Variants in ZDHHC15 observed in about 807,000 individuals in gnomAD.
ZDHHC15 encodes the protein zDHHC palmitoyltransferase 15, also known as palmitoyltransferase ZDHHC15.
ZDHHC15 carries 19 observed loss-of-function variants against 31.7 expected under a neutral mutation model. The observed-to-expected ratio is 0.60, with a 90% CI of 0.42 to 0.88. ZDHHC15 has a LOEUF of 0.88. ZDHHC15 is among the 40% of genes least tolerant of loss of function. The probability of loss-of-function intolerance (pLI) is 0.00; values close to 1 mark genes in which losing one functional copy is unlikely to be tolerated. For synonymous variants in ZDHHC15, 103 were observed against 90.0 expected (o/e 1.14, Z -0.82); for missense variants, 209 against 251.2 (o/e 0.83, Z 1.14).
intron 4 of ZDHHC15, among the ~76,000 whole-genome samples, chrX:75,450,394 C>T (rs2084098833): frequency 9.0e-6 from 1 of 111,077 alleles, no homozygotes; most frequent in South Asian, 3.8e-4. Flanking sequence ...GGAATGGTAC[C>T]CTTAAGATTA....
At chrX:75,378,817 C>G (rs1318075856) in intron 11 of ZDHHC15, among the ~76,000 whole-genome samples, 1 of 111,047 alleles carries the variant, frequency 9.0e-6, no homozygotes, top group Non-Finnish European at 1.9e-5. Context: ...CAGGAGGAGG[C>G]TTATAATTCA....
intron 3 of ZDHHC15, among the ~76,000 whole-genome samples, chrX:75,475,373 G>C (rs2084587129): frequency 9.0e-6 from 1 of 111,205 alleles, no homozygotes; most frequent in African/African-American, 3.3e-5. Flanking sequence ...TTAGATCTTG[G>C]ATCTATTTTA....
At chrX:75,516,424 T>A (rs2085357491) in intron 1 of ZDHHC15, among the ~76,000 whole-genome samples, 1 of 111,708 alleles carries the variant, frequency 9.0e-6, no homozygotes, top group Non-Finnish European at 1.9e-5. Flanking sequence ...CCCTCAGAAA[T>A]AATACCACAT....
At chrX:75,515,382 A>G (rs1036834902) in intron 1 of ZDHHC15, among the ~76,000 whole-genome samples, 2 of 111,705 alleles carry the variant, frequency 1.8e-5, no homozygotes, top group African/African-American at 3.3e-5. Flanking sequence ...AAGCTTATCC[A>G]CCAAGATCCA....
intron 3 of ZDHHC15, among the ~76,000 whole-genome samples, chrX:75,463,575 T>A (rs200363551): frequency 9.9e-6 from 1 of 100,700 alleles, no homozygotes; most frequent in Non-Finnish European, 2.0e-5. Flanking sequence ...AACTCAAATT[T>A]ACAACAACAA....
At chrX:75,446,166 T>A (rs1301380071) in intron 4 of ZDHHC15, among the ~76,000 whole-genome samples, 2 of 112,160 alleles carry the variant, frequency 1.8e-5, no homozygotes, top group Non-Finnish European at 3.8e-5. Flanking sequence ...AAACATAAAG[T>A]TGAATCTGGC....
intron 4 of ZDHHC15, among the ~76,000 whole-genome samples, chrX:75,444,687 TACAC>T (rs1172357698): frequency 1.7e-4 from 5 of 29,501 alleles, no homozygotes; most frequent in African/African-American, 4.7e-4. Flanking sequence ...TATATATATA[TACAC>T]ACACACACAC....
At chrX:75,480,736 C>T (rs981383174) in intron 2 of ZDHHC15, among the ~76,000 whole-genome samples, 5 of 111,277 alleles carry the variant, frequency 4.5e-5, no homozygotes, top group Admixed American at 1.9e-4. Context: ...TTTAACCAGG[C>T]TGTCTCTGAG....
At position 75,481,324 on chromosome X, in the gene ZDHHC15, G is replaced by T. The variant is rs1050980249; in HGVS notation, c.164-2339C>A. 3.6e-5 allele frequency among the ~76,000 whole-genome samples: 4 copies of T among 111,509 alleles called. No homozygotes were observed. The Admixed American group carries it at 3.8e-4, about 11-fold the overall frequency. Reference sequence around the variant, plus strand: ...TGGTTAACCAATTTGGATCACCTGAGTGACTGAGCACTAAACTCCTACACT... The same window carrying T: ...TGGTTAACCAATTTGGATCACCTGATTGACTGAGCACTAAACTCCTACACT... On this transcript the variant is annotated intron_variant, in intron 2 of 11. Transcript: ENST00000373367.
At chrX:75,395,664 C>T (rs1027896875) in intron 10 of ZDHHC15, among the ~76,000 whole-genome samples, 1 of 111,707 alleles carries the variant, frequency 9.0e-6, no homozygotes, top group Non-Finnish European at 1.9e-5. Flanking sequence ...ATACCCATGA[C>T]ATCCTTCATA....
At chrX:75,384,854 C>T (rs887667360) in intron 10 of ZDHHC15, 15 of 542,491 alleles carry the variant, frequency 2.8e-5, no homozygotes, top group Non-Finnish European at 3.9e-5. Context: ...AAATAAAAGA[C>T]ATCTGGGCTG....
intron 2 of ZDHHC15, among the ~76,000 whole-genome samples, chrX:75,491,411 G>A (rs1452802229): frequency 2.0e-5 from 2 of 100,354 alleles, no homozygotes; most frequent in Admixed American, 1.1e-4. Context: ...TCACTCATAG[G>A]TGGGTATTGA....
chrX:75,496,790 G>A (rs754252542), intron 2 of ZDHHC15, among the ~76,000 whole-genome samples: 4 of 111,176 alleles, frequency 3.6e-5, no homozygotes, highest in South Asian at 3.8e-4. Flanking sequence ...AAAATTGTTC[G>A]GACTGAATAA....
At chrX:75,414,239 C>A (rs954701481) in intron 10 of ZDHHC15, among the ~76,000 whole-genome samples, 5 of 110,467 alleles carry the variant, frequency 4.5e-5, no homozygotes, top group Non-Finnish European at 3.8e-5. Context: ...ATTAATTAAA[C>A]CTTTTATTTT....
intron 4 of ZDHHC15, among the ~76,000 whole-genome samples, chrX:75,442,878 C>A (rs1294090455): frequency 3.9e-5 from 4 of 103,331 alleles, no homozygotes; most frequent in Non-Finnish European, 5.9e-5. Context: ...CCCAGCTACT[C>A]GGGAGGCTGA....
intron 4 of ZDHHC15, among the ~76,000 whole-genome samples, chrX:75,437,959 G>T: frequency 9.0e-6 from 1 of 110,816 alleles, no homozygotes; most frequent in African/African-American, 3.3e-5. Context: ...CCATCAAAAA[G>T]TGGGCAAAGG....
intron 4 of ZDHHC15, among the ~76,000 whole-genome samples, chrX:75,436,872 A>ATTTTG (rs922323924): frequency 9.0e-6 from 1 of 111,471 alleles, no homozygotes; most frequent in Non-Finnish European, 1.9e-5. Context: ...TTTTTTGTTT[A>ATTTTG]TTTTGTTTTG....
intron 3 of ZDHHC15, among the ~76,000 whole-genome samples, chrX:75,453,737 T>A (rs1469526628): frequency 9.1e-6 from 1 of 110,203 alleles, no homozygotes; most frequent in Non-Finnish European, 1.9e-5. Context: ...GTTCAACATA[T>A]GAAAATCAAT....
At chrX:75,419,843 A>G (rs1316494324) in intron 9 of ZDHHC15, among the ~76,000 whole-genome samples, 2 of 105,887 alleles carry the variant, frequency 1.9e-5, no homozygotes. Flanking sequence ...GCAAACTATC[A>G]CAAGGACAAA....
Sources: gnomAD v4.1 joint callset for allele counts (sites outside exome capture counted in the v4.1 genomes callset) on GRCh38, gnomAD v4.1.1 for gene constraint, MANE v1.5 for transcripts, NCBI Gene and HGNC (gene_info 2026-07-23, HGNC 2026-07-21) for gene names.